The following OTOGL variants were observed in gnomAD, a reference collection of about 807,000 sequenced individuals.
OTOGL encodes otogelin like.
A neutral mutation model predicts 318.5 loss-of-function variants in OTOGL; 285 were observed. The ratio of observed to expected loss-of-function variants is 0.89; its 90% CI spans 0.81 to 0.99. The LOEUF is 0.99. OTOGL is among the 50% of genes least tolerant of loss of function. OTOGL has a pLI of 0.00. For synonymous variants in OTOGL, 987 were observed against 936.5 expected (o/e 1.05, Z -0.99); for missense variants, 2,899 against 2,845.6 (o/e 1.02, Z -0.43).
Position 80,374,321 on chromosome 12 carries a change from T to C in OTOGL, c.6781+2257T>C, listed in dbSNP as rs539157526. Among the ~76,000 whole-genome samples, 8 of 152,258 alleles carry C rather than the reference T, an allele frequency of 5.3e-5. No homozygotes were observed. The South Asian group carries it at 1.7e-3, about 32-fold the overall frequency. On this transcript the variant is annotated intron_variant, in intron 57 of 58. Coordinates refer to ENST00000547103, the MANE Select transcript of OTOGL (RefSeq NM_001378609.3). ...ATTAGCACCTCCTAATGATCTCATT[T>C]TTGCTCAGTTATCCCTGCAAAGATC...
intron 1 of OTOGL, among the ~76,000 whole-genome samples, chr12:80,146,419 T>C (rs1264234585): frequency 6.6e-6 from 1 of 151,302 alleles, no homozygotes; most frequent in Non-Finnish European, 1.5e-5. Flanking sequence ...CTCTTGATCA[T>C]GGTGGATAAG....
chr12:80,319,405 C>G (rs1330953247), intron 33 of OTOGL, among the ~76,000 whole-genome samples: 1 of 152,190 alleles, frequency 6.6e-6, no homozygotes, highest in Admixed American at 6.6e-5. Context: ...ATGAATCAAT[C>G]AGACTTAACT....
rs1891375108 is a variant in OTOGL, at chr12:80,380,038, A to G, written c.*1990A>G. The G allele has an allele frequency of 6.6e-6, 1 of 152,060 alleles. No individual in the cohort carries two copies. Among genetic ancestry groups the G allele is most frequent in the Admixed American group, 6.6e-5 (1 of 15,242 alleles). The allele number at this position is 152,060 out of a possible 1,614,324, so 9.4% of individuals were successfully genotyped here. A position where few individuals can be genotyped will look rare whatever the true frequency, so the allele number is the denominator to read the frequency against. On this transcript the variant is annotated 3_prime_UTR_variant, in exon 59 of 59. Transcript: ENST00000547103. ...CTCTGAAATCAGTGGAAGAGTGCAA[A>G]TTAGCTCTTAATAAATGGTGTTGGG...
At chr12:80,251,870 A>T in intron 12 of OTOGL, 71 bp downstream of exon 12, 1 of 1,341,222 alleles carries the variant, frequency 7.5e-7, no homozygotes, top group Non-Finnish European at 1.0e-6. Context: ...CTCAAAACTT[A>T]CTGTACTACT....
intron 1 of OTOGL, among the ~76,000 whole-genome samples, chr12:80,193,012 G>T (rs986123578): frequency 6.6e-6 from 1 of 151,714 alleles, no homozygotes; most frequent in East Asian, 1.9e-4. Flanking sequence ...CGAATCAGTT[G>T]AATTTGAGAA....
chr12:80,149,240 T>C (rs897354768), intron 1 of OTOGL, among the ~76,000 whole-genome samples: 2 of 152,202 alleles, frequency 1.3e-5, no homozygotes, highest in Admixed American at 6.5e-5. Flanking sequence ...TTGGTGTGGA[T>C]GTCCTTTCTG....
chr12:80,218,338 G>A (rs1419822809), intron 5 of OTOGL, among the ~76,000 whole-genome samples: 1 of 152,208 alleles, frequency 6.6e-6, no homozygotes, highest in Non-Finnish European at 1.5e-5. Context: ...TGAAGATATA[G>A]TTGGAGATTT....
In OTOGL at chr12:80,252,105, C is replaced by A; in HGVS notation, c.1189C>A (p.Arg397=). The A allele has an allele frequency of 6.4e-7, 1 of 1,555,476 alleles. No individual in the cohort carries two copies. Among genetic ancestry groups the A allele is most frequent in the Non-Finnish European group, 8.7e-7 (1 of 1,148,144 alleles). ...TDKCDDSFVH[R]DCISCCPPTC... is the part of the protein sequence containing the mutation. ...TAAATGTGATGATAGCTTTGTCCAT[C>A]GGGACTGTATCAGTTGTTGTCCACC... The change falls in exon 13 of 59, where the codon CGG becomes AGG. Residue 397 remains arginine, a synonymous_variant. Coordinates refer to ENST00000547103, the MANE Select transcript of OTOGL (RefSeq NM_001378609.3).
intron 26 of OTOGL, among the ~76,000 whole-genome samples, chr12:80,289,949 A>AG (rs536853358): frequency 1.6e-3 from 240 of 152,212 alleles, no homozygotes; most frequent in African/African-American, 5.2e-3. Flanking sequence ...GGTATGAAAA[A>AG]AAAAACTTCT....
chr12:80,127,089 G>A (rs564960919), intron 1 of OTOGL, among the ~76,000 whole-genome samples: 1 of 152,302 alleles, frequency 6.6e-6, no homozygotes, highest in South Asian at 2.1e-4. Context: ...TCATTGTGAT[G>A]TTAGCTGGTT....
chr12:80,290,190 C>T (rs1357596379), intron 26 of OTOGL, among the ~76,000 whole-genome samples: 1 of 152,188 alleles, frequency 6.6e-6, no homozygotes, highest in African/African-American at 2.4e-5. Flanking sequence ...GACACCCCGC[C>T]CTGCTTCTGC....
intron 9 of OTOGL, among the ~76,000 whole-genome samples, chr12:80,233,849 A>C (rs1410801299): frequency 6.6e-6 from 1 of 152,082 alleles, no homozygotes; most frequent in Non-Finnish European, 1.5e-5. Context: ...ATTTGAGGAA[A>C]CTCATTTAAT....
chr12:80,250,082 T>C (rs1007561508), intron 11 of OTOGL, among the ~76,000 whole-genome samples: 1 of 152,054 alleles, frequency 6.6e-6, no homozygotes, highest in Non-Finnish European at 1.5e-5. Flanking sequence ...CCTAGTGAGA[T>C]GAACCCGGTA....
chr12:80,345,662 C>T (rs1592735887), intron 44 of OTOGL, among the ~76,000 whole-genome samples: 2 of 151,712 alleles, frequency 1.3e-5, no homozygotes, highest in South Asian at 2.1e-4. Flanking sequence ...GAAGAACTCA[C>T]AAAATTGGCT....
chr12:80,304,669 C>A (rs968898928), intron 28 of OTOGL, among the ~76,000 whole-genome samples: 2 of 152,130 alleles, frequency 1.3e-5, no homozygotes, highest in East Asian at 3.8e-4. Context: ...TCCAAAATAA[C>A]CTTCAGTCAT....
chr12:80,156,647 C>A (rs80100971), intron 1 of OTOGL, among the ~76,000 whole-genome samples: 9,894 of 152,112 alleles, frequency 0.065, 1,016 homozygotes, highest in African/African-American at 0.22. Context: ...CATTTTATAA[C>A]GAGGAGTTCC....
At chr12:80,341,019 C>G (rs1888736714) in intron 43 of OTOGL, among the ~76,000 whole-genome samples, 1 of 150,178 alleles carries the variant, frequency 6.7e-6, no homozygotes, top group Non-Finnish European at 1.5e-5. Context: ...TTTATTCATC[C>G]TGATATATCT....
chr12:80,233,631 A>C (rs1879577946), intron 9 of OTOGL, among the ~76,000 whole-genome samples: 1 of 152,238 alleles, frequency 6.6e-6, no homozygotes, highest in Admixed American at 6.5e-5. Context: ...ATCATGTATT[A>C]AATCTAAGTT....
intron 11 of OTOGL, among the ~76,000 whole-genome samples, chr12:80,249,095 T>G (rs1592604664): frequency 4.1e-5 from 6 of 146,594 alleles, no homozygotes; most frequent in Admixed American, 6.6e-5. Flanking sequence ...TTCAACTTGT[T>G]TGCCTTTGGT....
Sources: allele counts gnomAD v4.1 joint callset (sites outside exome capture counted in the v4.1 genomes callset), GRCh38; gene constraint gnomAD v4.1.1; transcripts MANE v1.5; gene names NCBI Gene and HGNC (gene_info 2026-07-23, HGNC 2026-07-21).